The following SV2B variants were observed in gnomAD, a reference collection of about 807,000 sequenced individuals.
The protein encoded by SV2B is solute carrier family 22 member B2.
In SV2B, 41 loss-of-function variants were observed where a neutral mutation model predicts 73.9. The ratio of observed to expected loss-of-function variants is 0.56; its 90% CI spans 0.43 to 0.72. SV2B has a LOEUF of 0.72. SV2B is among the 30% of genes least tolerant of loss of function. SV2B has a pLI of 0.00. For synonymous variants in SV2B, 314 were observed against 314.2 expected, an observed-to-expected ratio of 1.00 and a Z score of 0.01; for missense variants, 764 against 857.8, an observed-to-expected ratio of 0.89 and a Z score of 1.37.
In SV2B at chr15:91,252,071, A is replaced by G; in HGVS notation, c.632+72A>G. On this transcript the variant is annotated intron_variant, in intron 3 of 12. Transcript: ENST00000394232. This position sits in a 1 kb window ranked among gnomAD's most constrained non-coding sequence, Gnocchi z 4.6. ...CATCCATTCTGGTATTCTAGCTCCA[A>G]GAGGTAACTCTAGAAACCCTTGGAC... The G allele has an allele frequency of 6.4e-7, 1 of 1,557,174 alleles. No individual in the cohort carries two copies. The highest frequency in any genetic ancestry group is 1.9e-5 in the Admixed American group (1 of 53,772).
intron 1 of SV2B, among the ~76,000 whole-genome samples, chr15:91,201,913 A>G (rs2045472285): frequency 1.3e-5 from 2 of 151,996 alleles, no homozygotes; most frequent in South Asian, 4.2e-4. Flanking sequence ...CCCCAACCCC[A>G]TCAAATCTAT....
At chr15:91,198,727 C>T (rs951286570) in intron 1 of SV2B, among the ~76,000 whole-genome samples, 1 of 152,324 alleles carries the variant, frequency 6.6e-6, no homozygotes, top group African/African-American at 2.4e-5. Context: ...AATAATCTGG[C>T]TGTGGTGCTC....
intron 2 of SV2B, among the ~76,000 whole-genome samples, chr15:91,243,934 G>A (rs1038600891): frequency 1.3e-5 from 2 of 152,106 alleles, no homozygotes; most frequent in Non-Finnish European, 2.9e-5. Flanking sequence ...TGAGCTGAGG[G>A]GCCAGGGCAA....
chr15:91,136,394 G>GTATATT lies in SV2B; in HGVS notation c.-392+36031_-392+36032insTATATT. Among the ~76,000 whole-genome samples the GTATATT allele has an allele frequency of 6.6e-6, 1 of 152,196 alleles. No homozygotes were observed. The highest frequency in any genetic ancestry group is 1.9e-4 in the East Asian group (1 of 5,198). ...TTTGTGGGTGACTTACTCTCTAGGG[G>GTATATT]CCTTAGGTATATTCTCGGAGAGAGA... On this transcript the variant is annotated intron_variant, in intron 1 of 12. Coordinates refer to ENST00000394232, the MANE Select transcript of SV2B (RefSeq NM_001323032.3). The surrounding 1 kb of genome is among the most constrained non-coding windows in gnomAD (Gnocchi z 5.6).
chr15:91,239,021 T>C lies in SV2B; in HGVS notation c.451+12307T>C, dbSNP rs1320862165. 6.6e-6 allele frequency among the ~76,000 whole-genome samples: 1 copy of C among 152,196 alleles called. No individual in the cohort carries two copies. The highest frequency in any genetic ancestry group is 2.4e-5 in the African/African-American group (1 of 41,452). ...AGCTCAGATGAACTGATTTTCACTT[T>C]GCAAAGGTTTGATTTTAATTTCAGA... On this transcript the variant is annotated intron_variant, in intron 2 of 12. Coordinates refer to ENST00000394232, the MANE Select transcript of SV2B (RefSeq NM_001323032.3). The surrounding 1 kb of genome is among the most constrained non-coding windows in gnomAD (Gnocchi z 5.1).
Position 91,236,875 on chromosome 15 carries a change from ATCTC to A in SV2B, c.451+10167_451+10170del, listed in dbSNP as rs919125204. On this transcript the variant is annotated intron_variant, in intron 2 of 12. Transcript: ENST00000394232. This position sits in a 1 kb window ranked among gnomAD's most constrained non-coding sequence, Gnocchi z 4.1. ...CAGATGGCTGGGGCTTCTTTTGAGC[ATCTC>A]TCTCTATCTCCATACGATCTTTAAA... Among the ~76,000 whole-genome samples the A allele has an allele frequency of 2.6e-5, 4 of 151,976 alleles. No homozygotes were observed. The highest frequency in any genetic ancestry group is 7.3e-5 in the African/African-American group (3 of 41,376).
chr15:91,187,501 A>G (rs2044820067), intron 1 of SV2B, among the ~76,000 whole-genome samples: 1 of 152,188 alleles, frequency 6.6e-6, no homozygotes, highest in Non-Finnish European at 1.5e-5. Context: ...GCTCTGGGTT[A>G]GTTTTCTGGA....
Position 91,281,921 on chromosome 15 carries a change from A to C in SV2B, c.1507+60A>C, listed in dbSNP as rs2048695117. ...AACAGGAGACAACTTGTGTTGTCCAAGAATCAAAATGGTCAGGCATAAACT... is the reference window on the plus strand; with the variant it reads ...AACAGGAGACAACTTGTGTTGTCCACGAATCAAAATGGTCAGGCATAAACT... On this transcript the variant is annotated intron_variant, in intron 10 of 12. Transcript: ENST00000394232. This position sits in a 1 kb window ranked among gnomAD's most constrained non-coding sequence, Gnocchi z 4.7. 1.3e-6 allele frequency: 2 copies of C among 1,533,624 alleles called. No homozygotes were observed. Among genetic ancestry groups the C allele is most frequent in the East Asian group, 4.6e-5 (2 of 43,644 alleles).
chr15:91,139,938 G>A lies in SV2B; in HGVS notation c.-392+39575G>A, dbSNP rs779266258. On this transcript the variant is annotated intron_variant, in intron 1 of 12. Coordinates refer to ENST00000394232, the MANE Select transcript of SV2B (RefSeq NM_001323032.3). This position sits in a 1 kb window ranked among gnomAD's most constrained non-coding sequence, Gnocchi z 5.2. Reference sequence around the variant, plus strand: ...GAGTTTGGTGAGAGTGACAGCCTGCGTCTCAGCCCAGATCATTTGGAAATT... The same window carrying A: ...GAGTTTGGTGAGAGTGACAGCCTGCATCTCAGCCCAGATCATTTGGAAATT... 1.1e-4 allele frequency among the ~76,000 whole-genome samples: 17 copies of A among 152,180 alleles called. No individual in the cohort carries two copies. The highest frequency in any genetic ancestry group is 2.2e-4 in the Non-Finnish European group (15 of 68,036).
chr15:91,197,027 C>G lies in SV2B; in HGVS notation c.-391-28846C>G, dbSNP rs2045269755. On this transcript the variant is annotated intron_variant, in intron 1 of 12. Coordinates refer to ENST00000394232, the MANE Select transcript of SV2B (RefSeq NM_001323032.3). This position sits in a 1 kb window ranked among gnomAD's most constrained non-coding sequence, Gnocchi z 4.9. ...CCAGGGCCACGGGGATTTTGCTCCT[C>G]TGTTGCTCCGCCTGCCGGCTGTGGC... Among the ~76,000 whole-genome samples, 1 of 152,198 alleles carries G rather than the reference C, an allele frequency of 6.6e-6. No homozygotes were observed. The highest frequency in any genetic ancestry group is 2.1e-4 in the South Asian group (1 of 4,832).
At chr15:91,176,783 G>A (rs1280657870) in intron 1 of SV2B, among the ~76,000 whole-genome samples, 1 of 151,308 alleles carries the variant, frequency 6.6e-6, no homozygotes, top group Non-Finnish European at 1.5e-5. Context: ...TGTAGATTCT[G>A]GATATTAGCC....
chr15:91,148,491 A>T (rs1236296821), intron 1 of SV2B, among the ~76,000 whole-genome samples: 2 of 152,168 alleles, frequency 1.3e-5, no homozygotes, highest in East Asian at 3.9e-4. Flanking sequence ...GTTCCCCCAG[A>T]AGCAGATCCT....
In SV2B at chr15:91,115,207, T is replaced by A. The variant is rs1161159097; in HGVS notation, c.-392+14844T>A. ...CAAAGTGCTACCTTTAAAGGAAAAT[T>A]GGAGAGTTGTTGCTGAAAGAAGAGG... On this transcript the variant is annotated intron_variant, in intron 1 of 12. Coordinates refer to ENST00000394232, the MANE Select transcript of SV2B (RefSeq NM_001323032.3). The surrounding 1 kb of genome is among the most constrained non-coding windows in gnomAD (Gnocchi z 4.3). Among the ~76,000 whole-genome samples the A allele has an allele frequency of 6.6e-6, 1 of 151,872 alleles. No homozygotes were observed. Among genetic ancestry groups the A allele is most frequent in the East Asian group, 1.9e-4 (1 of 5,182 alleles).
At chr15:91,189,871 C>T (rs1167292680) in intron 1 of SV2B, among the ~76,000 whole-genome samples, 1 of 152,038 alleles carries the variant, frequency 6.6e-6, no homozygotes, top group South Asian at 2.1e-4. Context: ...GCCTGTAGTT[C>T]CAGCTACTCA....
rs1260961824 is a variant in SV2B, at chr15:91,140,425, A to G, written c.-392+40062A>G. ...TCTCCCAGAGGAGGAGAACAAAAAT[A>G]TCACCTTCTCAAAGGAAGCTTTAAT... is the stretch of plus-strand genomic sequence containing the variant. On this transcript the variant is annotated intron_variant, in intron 1 of 12. Coordinates refer to ENST00000394232, the MANE Select transcript of SV2B (RefSeq NM_001323032.3). The surrounding 1 kb of genome is among the most constrained non-coding windows in gnomAD (Gnocchi z 4.4). Among the ~76,000 whole-genome samples the G allele has an allele frequency of 6.6e-6, 1 of 152,232 alleles. No homozygotes were observed. Among genetic ancestry groups the G allele is most frequent in the African/African-American group, 2.4e-5 (1 of 41,460 alleles).
intron 1 of SV2B, among the ~76,000 whole-genome samples, chr15:91,131,834 G>T (rs964704904): frequency 6.6e-6 from 1 of 152,038 alleles, no homozygotes; most frequent in African/African-American, 2.4e-5. Context: ...GCGGTGGCAG[G>T]TGCCTGTAAT....
rs1347414749 is a variant in SV2B at position 91,133,030 on chromosome 15, T to C, written c.-392+32667T>C. 3.3e-5 allele frequency among the ~76,000 whole-genome samples: 5 copies of C among 152,204 alleles called. 1 individual carries two copies. The highest frequency in any genetic ancestry group is 1.3e-4 in the Admixed American group (2 of 15,290). Reference sequence around the variant, plus strand: ...TTACCTCTGTTAGTTTATTTAATTCTGTAACACCCCCATGAGGGAGGCCAC... The same window carrying C: ...TTACCTCTGTTAGTTTATTTAATTCCGTAACACCCCCATGAGGGAGGCCAC... On this transcript the variant is annotated intron_variant, in intron 1 of 12. Transcript: ENST00000394232.
intron 9 of SV2B, among the ~76,000 whole-genome samples, chr15:91,269,812 A>C (rs916964618): frequency 1.3e-5 from 2 of 152,228 alleles, no homozygotes; most frequent in Non-Finnish European, 2.9e-5. Flanking sequence ...ACTAAGTATC[A>C]TTGACATGGG....
In SV2B at chr15:91,281,609, A is replaced by AATGCTCT; in HGVS notation, c.1374-118_1374-112dup. On this transcript the variant is annotated intron_variant, in intron 9 of 12. Coordinates refer to ENST00000394232, the MANE Select transcript of SV2B (RefSeq NM_001323032.3). The surrounding 1 kb of genome is among the most constrained non-coding windows in gnomAD (Gnocchi z 4.7). ...TGGGGAAGTGGTCTGGGTTGAAAAT[A>AATGCTCT]ATGCTCTGGCACCTTTTGCTTGCAC... The AATGCTCT allele has an allele frequency of 1.7e-6, 2 of 1,211,778 alleles. No individual in the cohort carries two copies. The highest frequency in any genetic ancestry group is 2.3e-6 in the Non-Finnish European group (2 of 878,016). 75.1% of individuals were successfully genotyped at this position (1,211,778 alleles called of 1,614,324 possible).
Sources: gnomAD v4.1 joint callset for allele counts (sites outside exome capture counted in the v4.1 genomes callset) on GRCh38, gnomAD v4.1.1 for gene constraint, Gnocchi (gnomAD v3.1) non-coding constraint, MANE v1.5 for transcripts, NCBI Gene and HGNC (gene_info 2026-07-23, HGNC 2026-07-21) for gene names.